The following RYR1 variants were observed in gnomAD, a reference collection of about 807,000 sequenced individuals.
RYR1 encodes the protein central core disease of muscle.
RYR1 carries 342 observed loss-of-function variants against 583.5 expected under a neutral mutation model. That is an observed-to-expected ratio of 0.59 (90% CI 0.54 to 0.64). The LOEUF (loss-of-function observed/expected upper bound fraction) is 0.64, where lower values mean the gene tolerates loss of function less well. Among genes scored for constraint, RYR1 ranks in the 30% least tolerant of loss-of-function variants. RYR1 has a pLI of 0.00. For synonymous variants in RYR1, 2,791 were observed against 2,822.5 expected, an observed-to-expected ratio of 0.99 and a Z score of 0.35; for missense variants, 6,032 against 6,917.2, an observed-to-expected ratio of 0.87 and a Z score of 4.54.
At chr19:38,534,648 G>A in intron 78 of RYR1, 72 bp from the exon 79 acceptor site, 1 of 1,323,912 alleles carries the variant, frequency 7.6e-7, no homozygotes, top group Non-Finnish European at 1.1e-6. Flanking sequence ...GAGGGCAGAA[G>A]TGAGAATGTG....
chr19:38,587,526 C>T lies in RYR1; in HGVS notation c.*106C>T, dbSNP rs1225674103. 5 of 850,416 alleles carry T rather than the reference C, an allele frequency of 5.9e-6. No homozygotes were observed. The East Asian group carries it at 7.5e-5, about 13-fold the overall frequency. 52.7% of individuals were successfully genotyped at this position (850,416 alleles called of 1,614,324 possible). ...CTAAGGCAGCTGGGGGAGAGGTGAC[C>T]TAGTACTGGAAAATAAATCTGTGCT... On this transcript the variant is annotated 3_prime_UTR_variant, in exon 106 of 106. Coordinates refer to ENST00000359596, the MANE Select transcript of RYR1 (RefSeq NM_000540.3).
rs1968185077 is a variant in RYR1, at chr19:38,467,735, G to A, written c.3304G>A (p.Gly1102Ser). The change falls in exon 25 of 106, where the codon GGC becomes AGC. Residue 1102 changes from glycine (G) to serine (S), a missense_variant. This residue lies in a region of RYR1 where 2,627 missense variants were observed against 2,961.3 expected (regional missense o/e 0.89). Transcript: ENST00000359596. Reference sequence around the variant, plus strand: ...AGTCACCACAGGCGAGATGCGCGTGGGCTGGGCGAGGCCCGAGCTGAGGCC... The same window carrying A: ...AGTCACCACAGGCGAGATGCGCGTGAGCTGGGCGAGGCCCGAGCTGAGGCC... ...EAVTTGEMRV[G>S]WARPELRPDV... The A allele has an allele frequency of 8.7e-6, 14 of 1,614,228 alleles. No homozygotes were observed. Among genetic ancestry groups the A allele is most frequent in the Non-Finnish European group, 1.1e-5 (13 of 1,180,042 alleles).
chr19:38,546,647 T>C (rs2145784950), intron 88 of RYR1, 121 bp downstream of exon 88: 1 of 815,422 alleles, frequency 1.2e-6, no homozygotes, highest in East Asian at 2.7e-5. Flanking sequence ...TCAGGATCCA[T>C]GGGTTGATGA....
chr19:38,460,356 A>G lies in RYR1; in HGVS notation c.2361-19A>G, dbSNP rs376351727. ...CCATAACCTCCCCTCAATGATCCCC[A>G]TTGTCCTTCCTTACCCAGGGTGCGG... On this transcript the variant is annotated intron_variant, in intron 19 of 105. Transcript: ENST00000359596. The G allele has an allele frequency of 1.9e-5, 30 of 1,610,698 alleles. No homozygotes were observed. The African/African-American group carries it at 1.9e-4, about 10-fold the overall frequency.
chr19:38,448,275 AAG>A (rs1491470783), intron 9 of RYR1, 78 bp from the exon 10 acceptor site: 1 of 1,489,298 alleles, frequency 6.7e-7, no homozygotes, highest in African/African-American at 1.4e-5. Flanking sequence ...CTGTAAAAAA[AAG>A]AAAAAGAAGA....
rs756177731 is a variant in RYR1 at position 38,502,835 on chromosome 19, G to T, written c.7836-45G>T. The T allele has an allele frequency of 7.0e-6, 11 of 1,565,738 alleles. No individual in the cohort carries two copies. In the South Asian group the frequency reaches 1.0e-4, roughly 15 times the overall value. The stretch of plus-strand genomic sequence containing the variant: ...GAGGAGCAGGGGCAGGGGCAGCAGA[G>T]CGGGCCTGGACGGGGGATTCTACAT... On this transcript the variant is annotated intron_variant, in intron 48 of 105. Coordinates refer to ENST00000359596, the MANE Select transcript of RYR1 (RefSeq NM_000540.3).
At chr19:38,586,627 C>A in intron 105 of RYR1, 51 bp downstream of exon 105, 1 of 1,539,880 alleles carries the variant, frequency 6.5e-7, no homozygotes, top group Non-Finnish European at 9.0e-7. Context: ...AGCCCTTTAA[C>A]ATAAGGCCAG....
In RYR1 at chr19:38,578,164, A is replaced by G. The variant is rs1193773891; in HGVS notation, c.14324A>G (p.Lys4775Arg). The stretch of plus-strand genomic sequence containing the variant: ...CACAGGCTCATGTCCATCGATGTCA[A>G]GTACCAGATCTGGAAGTTCGGGGTC... ...LLTWLMSIDV[K>R]YQIWKFGVIF... Residue 4775 changes from lysine (K) to arginine (R), a missense_variant, in exon 99 of 106, where the codon AAG becomes AGG. Coordinates refer to ENST00000359596, the MANE Select transcript of RYR1 (RefSeq NM_000540.3). 1.9e-6 allele frequency: 3 copies of G among 1,613,720 alleles called. No homozygotes were observed. Among genetic ancestry groups the G allele is most frequent in the Non-Finnish European group, 1.7e-6 (2 of 1,179,894 alleles).
In RYR1 at chr19:38,473,485, C is replaced by T. The variant is rs369954163; in HGVS notation, c.3874C>T (p.Leu1292Phe). The change falls in exon 28 of 106, where the codon CTC (leucine) becomes TTC (phenylalanine). Residue 1292 changes from leucine to phenylalanine, a missense_variant. Leu to Phe is a conservative substitution (Grantham distance 22). This residue lies in a region of RYR1 where 2,627 missense variants were observed against 2,961.3 expected (regional missense o/e 0.89). Transcript: ENST00000359596. Reference protein sequence around the residue: ...LVEMLFLRLSLPVQFHQHFRC... With the variant: ...LVEMLFLRLSFPVQFHQHFRC... ...GGAGATGCTTTTCCTGCGGCTGAGCCTCCCAGTCCAGTTCCACCAGCACTT... is the reference window on the plus strand; with the variant it reads ...GGAGATGCTTTTCCTGCGGCTGAGCTTCCCAGTCCAGTTCCACCAGCACTT... 1.9e-6 allele frequency: 3 copies of T among 1,613,858 alleles called. No individual in the cohort carries two copies. Among genetic ancestry groups the T allele is most frequent in the East Asian group, 4.5e-5 (2 of 44,870 alleles).
chr19:38,503,772 C>CAAA (rs11375717), intron 49 of RYR1, among the ~76,000 whole-genome samples: 3 of 129,694 alleles, frequency 2.3e-5, no homozygotes, highest in African/African-American at 5.6e-5. Context: ...GACTCCACCT[C>CAAA]AAAAAAAAAA....
At chr19:38,436,944 C>T (rs983607690) in intron 1 of RYR1, among the ~76,000 whole-genome samples, 18 of 152,040 alleles carry the variant, frequency 1.2e-4, no homozygotes, top group African/African-American at 1.9e-4. Context: ...GTAAACAGTA[C>T]GTATTCCCTG....
intron 70 of RYR1, among the ~76,000 whole-genome samples, chr19:38,524,267 G>A (rs111335424): frequency 6.6e-6 from 1 of 151,068 alleles, no homozygotes; most frequent in Admixed American, 6.6e-5. Context: ...GGTAATGGGG[G>A]TGGGAGAGGC....
In RYR1 at chr19:38,460,539, G is replaced by T. The variant is rs767287979; in HGVS notation, c.2525G>T (p.Ser842Ile). ...GPRGPHLVGP[S>I]RCLSHTDFVP... ...CGGGGGCCTCACCTGGTGGGCCCCA[G>T]TCGCTGCCTCTCACACACCGACTTC... The change falls in exon 20 of 106, where the codon AGT becomes ATT. Residue 842 changes from serine (S) to isoleucine (I), a missense_variant. Ser to Ile is a moderately radical substitution (Grantham distance 142, BLOSUM62 -2). Coordinates refer to ENST00000359596, the MANE Select transcript of RYR1 (RefSeq NM_000540.3). 5.0e-6 allele frequency: 8 copies of T among 1,613,882 alleles called. No individual in the cohort carries two copies. The highest frequency in any genetic ancestry group is 6.8e-6 in the Non-Finnish European group (8 of 1,180,044).
chr19:38,522,321 G>T (rs1373143936), intron 67 of RYR1, among the ~76,000 whole-genome samples: 2 of 152,142 alleles, frequency 1.3e-5, no homozygotes, highest in African/African-American at 2.4e-5. Flanking sequence ...GAATAGTCAG[G>T]CCAGGGAAGG....
chr19:38,468,018 C>A (rs969062656), intron 25 of RYR1: 5 of 606,308 alleles, frequency 8.2e-6, no homozygotes, highest in South Asian at 3.8e-5. Flanking sequence ...TCTATCCAAC[C>A]AACAATTCAT....
intron 38 of RYR1, 43 bp downstream of exon 38, chr19:38,492,679 G>C: frequency 1.3e-6 from 2 of 1,551,834 alleles, no homozygotes; most frequent in African/African-American, 1.4e-5. Context: ...GGTGGGGTGG[G>C]TAGCCCCATG....
In RYR1 at chr19:38,580,355, C is replaced by T. The variant is rs1196085327; in HGVS notation, c.14512-15C>T. The T allele has an allele frequency of 1.2e-6, 2 of 1,613,566 alleles. No homozygotes were observed. The highest frequency in any genetic ancestry group is 4.5e-5 in the East Asian group (2 of 44,868). Reference sequence around the variant, plus strand: ...AGCCCAGGGCGGAGCTGACCTGGCCCCATCCTGCCCCCAGCTGGTGATGAC... The same window carrying T: ...AGCCCAGGGCGGAGCTGACCTGGCCTCATCCTGCCCCCAGCTGGTGATGAC... On this transcript the variant is annotated splice_polypyrimidine_tract_variant and intron_variant, in intron 100 of 105. Transcript: ENST00000359596.
intron 105 of RYR1, among the ~76,000 whole-genome samples, 199 bp downstream of exon 105, chr19:38,586,775 A>G (rs966131523): frequency 6.6e-6 from 1 of 152,100 alleles, no homozygotes; most frequent in Non-Finnish European, 1.5e-5. Context: ...GTTCAAGACC[A>G]GCCTGGCCAG....
chr19:38,444,333 G>C lies in RYR1; in HGVS notation c.537+72G>C. On this transcript the variant is annotated intron_variant, in intron 6 of 105. Transcript: ENST00000359596. This position sits in a 1 kb window ranked among gnomAD's most constrained non-coding sequence, Gnocchi z 5.1. ...GATGGTCCCCATCTTCTCACCATGG[G>C]TTTGCCTGGCTGATCTCCCACCCCC... 1 of 1,267,974 alleles carries C rather than the reference G, an allele frequency of 7.9e-7. No individual in the cohort carries two copies. Among genetic ancestry groups the C allele is most frequent in the Admixed American group, 1.9e-5 (1 of 52,452 alleles). The allele number at this position is 1,267,974 out of a possible 1,614,324, so 78.5% of individuals were successfully genotyped here.
Sources: allele counts gnomAD v4.1 joint callset (sites outside exome capture counted in the v4.1 genomes callset), GRCh38; gene constraint gnomAD v4.1.1; regional missense constraint gnomAD v4.1.1; non-coding constraint Gnocchi (gnomAD v3.1); transcripts MANE v1.5; gene names NCBI Gene and HGNC (gene_info 2026-07-23, HGNC 2026-07-21).